FDXACB1: variants seen among roughly 807,000 people sequenced by gnomAD.
The protein encoded by FDXACB1 is ferredoxin-fold anticodon binding domain containing 1.
In FDXACB1, 41 loss-of-function variants were observed where a neutral mutation model predicts 51.7. The ratio of observed to expected loss-of-function variants is 0.79; its 90% CI spans 0.62 to 1.03. The LOEUF is 1.03. Ranked by LOEUF, FDXACB1 falls within the 50% of genes least tolerant of loss-of-function variation. The pLI, the probability that FDXACB1 is intolerant of heterozygous loss-of-function variation, is 0.00. For missense variants in FDXACB1, 697 were observed against 746.4 expected, an observed-to-expected ratio of 0.93 and a Z score of 0.77; for synonymous variants, 273 against 278.6, an observed-to-expected ratio of 0.98 and a Z score of 0.20.
intron 2 of FDXACB1, among the ~76,000 whole-genome samples, chr11:111,878,050 G>A (rs1165427404): frequency 3.9e-5 from 6 of 151,946 alleles, no homozygotes; most frequent in African/African-American, 1.4e-4. Flanking sequence ...AGCTGGGCGT[G>A]GTGGCGGGCG....
rs1347634340 is a variant in FDXACB1 at position 111,874,210 on chromosome 11, G to A, written c.*712C>T. 6.6e-6 allele frequency: 1 copy of A among 152,110 alleles called. No homozygotes were observed. The highest frequency in any genetic ancestry group is 2.4e-5 in the African/African-American group (1 of 41,404). The allele number at this position is 152,110 out of a possible 1,614,324, so 9.4% of individuals were successfully genotyped here. Reference sequence around the variant, plus strand: ...CTGATGCCAAAAACTACTCTCATAAGGTGATTTAATGAAATGATACAACAA... The same window carrying A: ...CTGATGCCAAAAACTACTCTCATAAAGTGATTTAATGAAATGATACAACAA... On this transcript the variant is annotated 3_prime_UTR_variant, in exon 5 of 5. Transcript: ENST00000260257.
Position 111,874,317 on chromosome 11 carries a change from T to C in FDXACB1, c.*605A>G, listed in dbSNP as rs759692478. On this transcript the variant is annotated 3_prime_UTR_variant, in exon 5 of 5. Transcript: ENST00000260257. Reference sequence around the variant, plus strand: ...TTAAGTTCTACTGCCTGTTCAACAATAGAGCATCTAAAGTACAAGATGCTG... The same window carrying C: ...TTAAGTTCTACTGCCTGTTCAACAACAGAGCATCTAAAGTACAAGATGCTG... 1 of 152,306 alleles carries C rather than the reference T, an allele frequency of 6.6e-6. No individual in the cohort carries two copies. Among genetic ancestry groups the C allele is most frequent in the South Asian group, 2.1e-4 (1 of 4,832 alleles). 9.4% of individuals were successfully genotyped at this position (152,306 alleles called of 1,614,324 possible).
chr11:111,876,006 C>A lies in FDXACB1; in HGVS notation c.791G>T (p.Cys264Phe). Residue 264 changes from cysteine to phenylalanine, a missense_variant, in exon 5 of 5, where the codon TGT (cysteine) becomes TTT (phenylalanine). Around this residue, in one of 3 missense-constraint regions of FDXACB1, gnomAD observed 538 missense variants for 592.2 expected, o/e 0.91. Transcript: ENST00000260257. ...TTCCTGTGGCAGCAAAGGGTAGGAA[C>A]ACTTCAGCCTTTTTAGCGGGAAAAC... ...GKVFPLKRLK[C>F]SYPLLPQEGT... 1.2e-6 allele frequency: 2 copies of A among 1,613,992 alleles called. No homozygotes were observed. The highest frequency in any genetic ancestry group is 1.7e-6 in the Non-Finnish European group (2 of 1,179,888).
rs1964784821 is a variant in FDXACB1 at position 111,875,206 on chromosome 11, G to A, written c.1591C>T (p.Leu531=). The A allele has an allele frequency of 1.2e-6, 2 of 1,613,756 alleles. No individual in the cohort carries two copies. The highest frequency in any genetic ancestry group is 2.2e-5 in the East Asian group (1 of 44,904). The part of the protein sequence containing the change: ...GKIEPFKSHS[L]YPPCYVHDVS... ...TCATGCACATAACATGGAGGATACA[G>A]AGAATGACTTTTAAAGGGTTCTATT... Residue 531 remains leucine (L), a synonymous_variant, in exon 5 of 5, where the codon CTG becomes TTG. Transcript: ENST00000260257.
Position 111,876,031 on chromosome 11 carries a change from C to T in FDXACB1, c.766G>A (p.Val256Ile). 2 of 1,613,964 alleles carry T rather than the reference C, an allele frequency of 1.2e-6. No homozygotes were observed. The highest frequency in any genetic ancestry group is 8.5e-7 in the Non-Finnish European group (1 of 1,179,862). ...CACTTCAGCCTTTTTAGCGGGAAAA[C>T]TTTGCCTAATTCAGCAATGAGTTTC... Reference protein sequence around the residue: ...NEKLIAELGKVFPLKRLKCSY... With the variant: ...NEKLIAELGKIFPLKRLKCSY... The change falls in exon 5 of 5, where the codon GTT becomes ATT. Residue 256 changes from valine (V) to isoleucine (I), a missense_variant. Physicochemically the swap from Val to Ile is conservative, Grantham distance 29. Coordinates refer to ENST00000260257, the MANE Select transcript of FDXACB1 (RefSeq NM_138378.3).
Position 111,875,410 on chromosome 11 carries a change from CA to C in FDXACB1, c.1386del (p.Glu463ArgfsTer3). ...VKTHNFSPDC[T>X]EDLIIGSVIT... ...ATAACAGACCCAATAATTAGATCCT[CA>C]GTACAATCTGGGCTAAAATTATGAG... On this transcript the variant is annotated frameshift_variant, in exon 5 of 5. Transcript: ENST00000260257. LOFTEE classifies it high-confidence loss of function. 6.2e-7 allele frequency: 1 copy of C among 1,613,622 alleles called. No homozygotes were observed.
chr11:111,879,119 C>A lies in FDXACB1; in HGVS notation c.14G>T (p.Arg5Leu), dbSNP rs1555162701. MAPR[R>L]LLLVGEGNFS... ...ATTCCCCTCCCCAACCAACAGGAGG[C>A]GCCGAGGGGCCATGGCCTCCACGGA... Residue 5 changes from arginine (R) to leucine (L), a missense_variant, in exon 1 of 5, where the codon CGC becomes CTC. This residue lies in a region of FDXACB1 where 153 missense variants were observed against 133.5 expected (regional missense o/e 1.15). Coordinates refer to ENST00000260257, the MANE Select transcript of FDXACB1 (RefSeq NM_138378.3). The A allele has an allele frequency of 6.2e-7, 1 of 1,612,030 alleles. No homozygotes were observed. The highest frequency in any genetic ancestry group is 1.1e-5 in the South Asian group (1 of 91,002).
chr11:111,877,222 T>C (rs1368390926), intron 2 of FDXACB1, among the ~76,000 whole-genome samples: 1 of 152,238 alleles, frequency 6.6e-6, no homozygotes. Flanking sequence ...ACTGATAAGA[T>C]TGGCTGACCA....
intron 2 of FDXACB1, 101 bp downstream of exon 2, chr11:111,878,455 A>T (rs782518050): frequency 1.5e-6 from 2 of 1,327,282 alleles, no homozygotes; most frequent in Non-Finnish European, 2.0e-6. Flanking sequence ...GTCTCTTCTA[A>T]ACATATCATA....
Position 111,876,033 on chromosome 11 carries a change from T to C in FDXACB1, c.764A>G (p.Lys255Arg), listed in dbSNP as rs1592489228. 1 of 1,613,922 alleles carries C rather than the reference T, an allele frequency of 6.2e-7. No homozygotes were observed. Among genetic ancestry groups the C allele is most frequent in the Non-Finnish European group, 8.5e-7 (1 of 1,179,860 alleles). ...INEKLIAELGKVFPLKRLKCS... is the reference protein window; with the variant it reads ...INEKLIAELGRVFPLKRLKCS... ...CTTCAGCCTTTTTAGCGGGAAAACTTTGCCTAATTCAGCAATGAGTTTCTC... is the reference window on the plus strand; with the variant it reads ...CTTCAGCCTTTTTAGCGGGAAAACTCTGCCTAATTCAGCAATGAGTTTCTC... The change falls in exon 5 of 5, where the codon AAA (lysine) becomes AGA (arginine). Residue 255 changes from lysine to arginine, a missense_variant. Around this residue, in one of 3 missense-constraint regions of FDXACB1, gnomAD observed 538 missense variants for 592.2 expected, o/e 0.91. Transcript: ENST00000260257.
intron 2 of FDXACB1, among the ~76,000 whole-genome samples, chr11:111,877,674 G>T (rs774379134): frequency 2.0e-5 from 3 of 151,478 alleles, no homozygotes; most frequent in African/African-American, 4.8e-5. Flanking sequence ...GTGCCAGCAC[G>T]GCCAGCTAAT....
chr11:111,878,804 A>C, intron 1 of FDXACB1, 92 bp from the exon 2 acceptor site: 2 of 1,518,124 alleles, frequency 1.3e-6, no homozygotes, highest in Non-Finnish European at 8.8e-7. Flanking sequence ...AACCGTGCAG[A>C]CCAGCCCAAG....
At chr11:111,878,259 G>C (rs191625759) in intron 2 of FDXACB1, among the ~76,000 whole-genome samples, 81 of 152,250 alleles carry the variant, frequency 5.3e-4, no homozygotes, top group African/African-American at 1.8e-3. Flanking sequence ...TTTGAATCCA[G>C]GCAGTCTGGC....
chr11:111,878,701 G>C lies in FDXACB1; in HGVS notation c.184C>G (p.Arg62Gly), dbSNP rs374033566. ...AGCTGGGTGCAGTCCACACCGAAAC[G>C]TACATCGATACCTGGCAAAGATAGT... is the stretch of plus-strand genomic sequence containing the variant. Reference protein sequence around the residue: ...QCLRERGIDVRFGVDCTQLAD... With the variant: ...QCLRERGIDVGFGVDCTQLAD... The change falls in exon 2 of 5, where the codon CGT (arginine) becomes GGT (glycine). Residue 62 changes from arginine (R) to glycine (G), a missense_variant. Physicochemically the swap from Arg to Gly is moderately radical, Grantham distance 125 (BLOSUM62 -2). Around this residue, in one of 3 missense-constraint regions of FDXACB1, gnomAD observed 153 missense variants for 133.5 expected, o/e 1.15. Transcript: ENST00000260257. 2 of 1,610,044 alleles carry C rather than the reference G, an allele frequency of 1.2e-6. No individual in the cohort carries two copies. The highest frequency in any genetic ancestry group is 1.1e-5 in the South Asian group (1 of 90,214).
rs908957361 is a variant in FDXACB1 at position 111,875,446 on chromosome 11, G to A, written c.1351C>T (p.Arg451Cys). 8 of 1,612,958 alleles carry A rather than the reference G, an allele frequency of 5.0e-6. No individual in the cohort carries two copies. The highest frequency in any genetic ancestry group is 1.7e-5 in the Admixed American group (1 of 59,850). Residue 451 changes from arginine (R) to cysteine (C), a missense_variant, in exon 5 of 5, where the codon CGT (arginine) becomes TGT (cysteine). Physicochemically the swap from Arg to Cys is radical, Grantham distance 180. Transcript: ENST00000260257. ...GGGCTAAAATTATGAGTCTTCACAC[G>A]AATCATATAATCCTTTCCATTTGAC... ...LQSNGKDYMI[R>C]VKTHNFSPDC... is the part of the protein sequence containing the mutation.
rs1964763996 is a variant in FDXACB1, at chr11:111,874,507, T to C, written c.*415A>G. ...GGCTCACATCTATAATCCCAGCACT[T>C]TGGGAGGCCGACGCAGGCAGATCAC... On this transcript the variant is annotated 3_prime_UTR_variant, in exon 5 of 5. Coordinates refer to ENST00000260257, the MANE Select transcript of FDXACB1 (RefSeq NM_138378.3). 1.2e-5 allele frequency: 2 copies of C among 166,320 alleles called. No homozygotes were observed. The highest frequency in any genetic ancestry group is 4.8e-5 in the African/African-American group (2 of 41,414). 10.3% of individuals were successfully genotyped at this position (166,320 alleles called of 1,614,324 possible).
intron 4 of FDXACB1, 25 bp from the exon 5 acceptor site, chr11:111,876,129 C>T: frequency 6.6e-7 from 1 of 1,525,366 alleles, no homozygotes; most frequent in Non-Finnish European, 8.9e-7. Flanking sequence ...ACAAAAATAA[C>T]TTTTCTAACT....
rs1555162060 is a variant in FDXACB1 at position 111,875,855 on chromosome 11, A to G, written c.942T>C (p.Phe314=). The G allele has an allele frequency of 6.2e-7, 1 of 1,613,778 alleles. No individual in the cohort carries two copies. Among genetic ancestry groups the G allele is most frequent in the African/African-American group, 1.3e-5 (1 of 74,996 alleles). Residue 314 remains phenylalanine, a synonymous_variant, in exon 5 of 5, where the codon TTT becomes TTC. Transcript: ENST00000260257. ...GGCTAAGTTCTGAAAATGACACTAG[A>G]AAGTCTTCCACATCTTGTGATGTCC... ...TGGTSQDVED[F]LVSFSELSLL...
Position 111,875,498 on chromosome 11 carries a change from C to T in FDXACB1, c.1299G>A (p.Leu433=), listed in dbSNP as rs1555161953. ...GAAGGACAAATTTGACTAAACTGCT[C>T]AGCTTAGAGCTCTCCGGCAATGTCT... ...LTQTLPESSK[L]SSLVKFVLQS... Residue 433 remains leucine, a synonymous_variant, in exon 5 of 5, where the codon CTG becomes CTA. Coordinates refer to ENST00000260257, the MANE Select transcript of FDXACB1 (RefSeq NM_138378.3). The T allele has an allele frequency of 6.2e-7, 1 of 1,612,204 alleles. No individual in the cohort carries two copies. The highest frequency in any genetic ancestry group is 8.5e-7 in the Non-Finnish European group (1 of 1,179,648).
Sources: allele counts gnomAD v4.1 joint callset (sites outside exome capture counted in the v4.1 genomes callset), GRCh38; gene constraint gnomAD v4.1.1; regional missense constraint gnomAD v4.1.1; transcripts MANE v1.5; gene names NCBI Gene and HGNC (gene_info 2026-07-23, HGNC 2026-07-21).